The following IFT56 variants were observed in gnomAD, a reference collection of about 807,000 sequenced individuals.
IFT56 encodes intraflagellar transport 56.
the IFT56 span, chr7:139,146,912 T>C: frequency 7.3e-6 from 9 of 1,235,184 alleles, no homozygotes; most frequent in South Asian, 1.3e-5. Flanking sequence ...TAGTATTAAC[T>C]GTAACCTAAG....
chr7:139,134,655 A>T, the IFT56 span: 58 of 1,604,462 alleles, frequency 3.6e-5, no homozygotes, highest in South Asian at 3.8e-4. Flanking sequence ...TCTTTTACAG[A>T]TGCTTTCAAG....
chr7:139,148,096 A>G, the IFT56 span: 12 of 949,670 alleles, frequency 1.3e-5, no homozygotes, highest in East Asian at 2.9e-4. Context: ...CTCTTTCTTC[A>G]TAAGGCAGGT....
At chr7:139,183,675 TA>T in the IFT56 span, among the ~76,000 whole-genome samples, 315 of 138,044 alleles carry the variant, frequency 2.3e-3, no homozygotes, top group African/African-American at 6.5e-3. Flanking sequence ...AATAAAAGGA[TA>T]AAAAAAAAAA....
the IFT56 span, among the ~76,000 whole-genome samples, chr7:139,163,864 G>C: frequency 6.6e-6 from 1 of 152,198 alleles, no homozygotes; most frequent in Non-Finnish European, 1.5e-5. Context: ...GCACTAAATA[G>C]ATATTTCGGG....
chr7:139,137,816 C>T, the IFT56 span: 1 of 1,579,260 alleles, frequency 6.3e-7, no homozygotes. Context: ...TCAAAATTTT[C>T]ATGTTTTTTA....
chr7:139,161,058 C>G, the IFT56 span: 1 of 1,568,244 alleles, frequency 6.4e-7, no homozygotes, highest in South Asian at 1.1e-5. Flanking sequence ...TGAGTTCAGT[C>G]CTACTCTGCT....
At chr7:139,137,787 T>A in the IFT56 span, 5 of 1,410,934 alleles carry the variant, frequency 3.5e-6, no homozygotes, top group South Asian at 2.4e-5. Context: ...CATTTTTTTT[T>A]AAACAGAGAG....
the IFT56 span, chr7:139,173,418 G>A: frequency 7.6e-6 from 4 of 525,346 alleles, no homozygotes; most frequent in South Asian, 2.2e-5. Flanking sequence ...TACTAGAGAC[G>A]AGGTTTCGCC....
the IFT56 span, among the ~76,000 whole-genome samples, chr7:139,162,040 G>A: frequency 6.6e-6 from 1 of 152,144 alleles, no homozygotes; most frequent in Non-Finnish European, 1.5e-5. Flanking sequence ...TTCAATCGCT[G>A]AAGTGAAATA....
At chr7:139,140,023 C>T in the IFT56 span, 3 of 1,426,794 alleles carry the variant, frequency 2.1e-6, no homozygotes, top group African/African-American at 2.9e-5. Context: ...GCTCTTATAT[C>T]TGATATTCTT....
chr7:139,134,888 G>A, the IFT56 span: 6 of 1,286,480 alleles, frequency 4.7e-6, no homozygotes, highest in Non-Finnish European at 6.4e-6. Flanking sequence ...GAAATAGGTG[G>A]GTGCATTCTG....
chr7:139,148,042 A>G, the IFT56 span, among the ~76,000 whole-genome samples: 3 of 152,154 alleles, frequency 2.0e-5, 1 homozygote, highest in South Asian at 6.2e-4. Flanking sequence ...ACACCCAAAT[A>G]TTGCAATGCA....
chr7:139,181,029 A>C, the IFT56 span: 1 of 1,016,562 alleles, frequency 9.8e-7, no homozygotes, highest in Non-Finnish European at 1.5e-6. Flanking sequence ...AATAAGGTGC[A>C]GAAATTATTT....
At chr7:139,189,270 T>A in the IFT56 span, 11 of 1,373,082 alleles carry the variant, frequency 8.0e-6, no homozygotes, top group Non-Finnish European at 1.1e-5. Flanking sequence ...TTTTATTTTT[T>A]AATTTTCATT....
chr7:139,187,349 G>A, the IFT56 span: 1 of 1,589,382 alleles, frequency 6.3e-7, no homozygotes, highest in African/African-American at 1.3e-5. Context: ...TTATGTTCAG[G>A]TTCTTTCTGT....
the IFT56 span, among the ~76,000 whole-genome samples, chr7:139,177,912 T>C: frequency 2.6e-5 from 4 of 152,242 alleles, no homozygotes; most frequent in East Asian, 7.7e-4. Flanking sequence ...GTGCACATGT[T>C]GGATGAGAGC....
the IFT56 span, chr7:139,173,668 C>T: frequency 2.6e-6 from 2 of 774,074 alleles, no homozygotes; most frequent in Non-Finnish European, 4.8e-6. Context: ...AATGCACGTT[C>T]ATATTGGCAT....
chr7:139,143,051 A>G, the IFT56 span, among the ~76,000 whole-genome samples: 2 of 152,220 alleles, frequency 1.3e-5, no homozygotes, highest in South Asian at 2.1e-4. Flanking sequence ...ATAGCATTCC[A>G]CCAAATGCAT....
the IFT56 span, among the ~76,000 whole-genome samples, chr7:139,141,844 A>G: frequency 6.6e-6 from 1 of 152,366 alleles, no homozygotes; most frequent in East Asian, 1.9e-4. Context: ...AGATATCAGA[A>G]GGAATTAACA....
Sources: allele counts gnomAD v4.1 joint callset (sites outside exome capture counted in the v4.1 genomes callset), GRCh38; gene constraint gnomAD v4.1.1; transcripts MANE v1.5; gene names NCBI Gene and HGNC (gene_info 2026-07-23, HGNC 2026-07-21).